The following SEMA3B variants were observed in gnomAD, a reference collection of about 807,000 sequenced individuals.
SEMA3B encodes the protein semaphorin 3B, also known as semaphorin-3B.
SEMA3B carries 71 observed loss-of-function variants against 77.8 expected under a neutral mutation model. That is an observed-to-expected ratio of 0.91 (90% CI 0.75 to 1.11). SEMA3B has a LOEUF of 1.11. SEMA3B is among the 50% of genes most tolerant of loss of function. The probability of loss-of-function intolerance (pLI) is 0.00; values close to 1 mark genes in which losing one functional copy is unlikely to be tolerated. For missense variants in SEMA3B, 968 were observed against 1,056.8 expected (o/e 0.92, Z 1.17); for synonymous variants, 470 against 452.9 (o/e 1.04, Z -0.48).
At chr3:50,271,518 C>T in intron 6 of SEMA3B, 38 bp downstream of exon 6, 1 of 1,551,432 alleles carries the variant, frequency 6.4e-7, no homozygotes, top group Non-Finnish European at 8.7e-7. Flanking sequence ...GAGGTCGTCA[C>T]CCTCCCACAG....
In SEMA3B at chr3:50,274,957, C is replaced by T; in HGVS notation, c.1449+23C>T. 6.2e-7 allele frequency: 1 copy of T among 1,601,514 alleles called. No homozygotes were observed. The highest frequency in any genetic ancestry group is 8.5e-7 in the Non-Finnish European group (1 of 1,175,364). On this transcript the variant is annotated intron_variant, in intron 12 of 16. Transcript: ENST00000616701. The surrounding 1 kb of genome is among the most constrained non-coding windows in gnomAD (Gnocchi z 4.7). ...GAGGTGAGGCCTCACCCCCAGTCGC[C>T]CGGGACCCCCCCACCCCACTAAGCC...
Position 50,274,227 on chromosome 3 carries a change from C to CTGA in SEMA3B, c.1138-134_1138-132dup. On this transcript the variant is annotated intron_variant, in intron 10 of 16. Coordinates refer to ENST00000616701, the MANE Select transcript of SEMA3B (RefSeq NM_001290060.2). The surrounding 1 kb of genome is among the most constrained non-coding windows in gnomAD (Gnocchi z 4.7). The stretch of plus-strand genomic sequence containing the variant: ...CCGCCTCTGACTTCCTAGGGCAAGG[C>CTGA]TGATCTCCTCTCTAATTCTCAGGGC... 1 of 1,249,758 alleles carries CTGA rather than the reference C, an allele frequency of 8.0e-7. No individual in the cohort carries two copies. The highest frequency in any genetic ancestry group is 1.1e-6 in the Non-Finnish European group (1 of 901,016). The allele number at this position is 1,249,758 out of a possible 1,614,324, so 77.4% of individuals were successfully genotyped here.
Position 50,273,895 on chromosome 3 carries a change from C to G in SEMA3B, c.993-18C>G. On this transcript the variant is annotated intron_variant, in intron 9 of 16. Transcript: ENST00000616701. The surrounding 1 kb of genome is among the most constrained non-coding windows in gnomAD (Gnocchi z 6.5). ...GGCTCCACCCGGCCCCTCACCTCGC[C>G]CTGGTCTTCGCCTCCAGCAGCATCT... 1 of 1,590,884 alleles carries G rather than the reference C, an allele frequency of 6.3e-7. No individual in the cohort carries two copies. The highest frequency in any genetic ancestry group is 1.3e-5 in the African/African-American group (1 of 74,406).
At position 50,274,546 on chromosome 3, in the gene SEMA3B, G is replaced by A; in HGVS notation, c.1321G>A (p.Ala441Thr). 1.3e-6 allele frequency: 2 copies of A among 1,558,794 alleles called. No individual in the cohort carries two copies. Among genetic ancestry groups the A allele is most frequent in the South Asian group, 1.2e-5 (1 of 81,336 alleles). Reference protein sequence around the residue: ...TQIAADRVAAADGHYDVLFIG... With the variant: ...TQIAADRVAATDGHYDVLFIG... Reference sequence around the variant, plus strand: ...AATTGCCGCGGACCGGGTTGCAGCCGCTGACGGACACTATGACGTCCTCTT... The same window carrying A: ...AATTGCCGCGGACCGGGTTGCAGCCACTGACGGACACTATGACGTCCTCTT... Residue 441 changes from alanine (A) to threonine (T), a missense_variant, in exon 11 of 17, where the codon GCT becomes ACT. Ala to Thr is a moderately conservative substitution (Grantham distance 58). Coordinates refer to ENST00000616701, the MANE Select transcript of SEMA3B (RefSeq NM_001290060.2). This position sits in a 1 kb window ranked among gnomAD's most constrained non-coding sequence, Gnocchi z 4.7.
In SEMA3B at chr3:50,276,724, C is replaced by A; in HGVS notation, c.*18C>A. On this transcript the variant is annotated 3_prime_UTR_variant, in exon 17 of 17. Coordinates refer to ENST00000616701, the MANE Select transcript of SEMA3B (RefSeq NM_001290060.2). This position sits in a 1 kb window ranked among gnomAD's most constrained non-coding sequence, Gnocchi z 5.8. The stretch of plus-strand genomic sequence containing the variant: ...ACTGGTGACCAGACTGTCCCCACGC[C>A]GGGAACCAAGCAGGAGACGACAGGC... The A allele has an allele frequency of 6.8e-7, 1 of 1,475,052 alleles. No individual in the cohort carries two copies. Among genetic ancestry groups the A allele is most frequent in the South Asian group, 1.4e-5 (1 of 72,092 alleles). 91.4% of individuals were successfully genotyped at this position (1,475,052 alleles called of 1,614,324 possible). A position where few individuals can be genotyped will look rare whatever the true frequency, so the allele number is the denominator to read the frequency against.
Position 50,274,202 on chromosome 3 carries a change from C to A in SEMA3B, c.1137+145C>A. On this transcript the variant is annotated intron_variant, in intron 10 of 16. Transcript: ENST00000616701. This position sits in a 1 kb window ranked among gnomAD's most constrained non-coding sequence, Gnocchi z 4.7. Reference sequence around the variant, plus strand: ...TCCATCATAAGACAAGGCTTGTTTCCCGCCTCTGACTTCCTAGGGCAAGGC... The same window carrying A: ...TCCATCATAAGACAAGGCTTGTTTCACGCCTCTGACTTCCTAGGGCAAGGC... The A allele has an allele frequency of 7.3e-7, 1 of 1,363,732 alleles. No individual in the cohort carries two copies. The highest frequency in any genetic ancestry group is 1.4e-5 in the South Asian group (1 of 72,652). 84.5% of individuals were successfully genotyped at this position (1,363,732 alleles called of 1,614,324 possible).
At position 50,274,408 on chromosome 3, in the gene SEMA3B, C is replaced by T; in HGVS notation, c.1183C>T (p.Pro395Ser). ...FGTFSSTKDF[P>S]DDVIQFARNH... ...CACCTTCAGTTCCACCAAGGACTTC[C>T]CAGACGATGTCATCCAGTTTGCGCG... The change falls in exon 11 of 17, where the codon CCA (proline) becomes TCA (serine). Residue 395 changes from proline to serine, a missense_variant. Transcript: ENST00000616701. This position sits in a 1 kb window ranked among gnomAD's most constrained non-coding sequence, Gnocchi z 4.7. 1 of 1,508,000 alleles carries T rather than the reference C, an allele frequency of 6.6e-7. No homozygotes were observed. The highest frequency in any genetic ancestry group is 2.4e-5 in the East Asian group (1 of 41,982). 93.4% of individuals were successfully genotyped at this position (1,508,000 alleles called of 1,614,324 possible).
At position 50,274,826 on chromosome 3, in the gene SEMA3B, C is replaced by G. The variant is rs782716455; in HGVS notation, c.1358-17C>G. ...TCCGGGAGCACCAATGGTCATTACC[C>G]CTTCTCATCCCTGCAGACGTTGGCA... On this transcript the variant is annotated splice_polypyrimidine_tract_variant and intron_variant, in intron 11 of 16. Transcript: ENST00000616701. This position sits in a 1 kb window ranked among gnomAD's most constrained non-coding sequence, Gnocchi z 4.7. 1.9e-6 allele frequency: 3 copies of G among 1,608,956 alleles called. No homozygotes were observed. Among genetic ancestry groups the G allele is most frequent in the Non-Finnish European group, 2.5e-6 (3 of 1,178,874 alleles).
At chr3:50,260,406 C>G in the SEMA3B span, 2 of 152,256 alleles carry the variant, frequency 1.3e-5, no homozygotes, top group Non-Finnish European at 1.5e-5. Context: ...TAGCTTCGGC[C>G]GCCGGCACTG....
In SEMA3B at chr3:50,274,572, C is replaced by G. The variant is rs1701164748; in HGVS notation, c.1347C>G (p.Phe449Leu). Residue 449 changes from phenylalanine to leucine, a missense_variant, in exon 11 of 17, where the codon TTC becomes TTG. Phe to Leu is a conservative substitution (Grantham distance 22). Coordinates refer to ENST00000616701, the MANE Select transcript of SEMA3B (RefSeq NM_001290060.2). The surrounding 1 kb of genome is among the most constrained non-coding windows in gnomAD (Gnocchi z 4.7). ...AAADGHYDVL[F>L]IGTDVGTVLK... ...CTGACGGACACTATGACGTCCTCTT[C>G]ATTGGCACAGGTCAGGGTCCCTCCA... The G allele has an allele frequency of 2.0e-6, 3 of 1,537,916 alleles. No homozygotes were observed. The highest frequency in any genetic ancestry group is 2.6e-6 in the Non-Finnish European group (3 of 1,142,908).
chr3:50,271,556 T>C, intron 6 of SEMA3B, 76 bp downstream of exon 6: 1 of 1,540,208 alleles, frequency 6.5e-7, no homozygotes, highest in Non-Finnish European at 8.8e-7. Context: ...GCCCATAAAG[T>C]AAGTGAGCAG....
rs1434713123 is a variant in SEMA3B, at chr3:50,271,432, C to T, written c.616C>T (p.Gln206Ter). Reference protein sequence around the residue: ...RDFTIFRSLGQRPSLRTEPHD... With the variant: ...RDFTIFRSLG ...CTTTACCATCTTTCGCAGCCTAGGG[C>T]AACGTCCAAGTCTCCGAACAGAGCC... The change falls in exon 6 of 17, where the codon CAA (glutamine) becomes TAA (stop). Residue 206 changes from glutamine (Q) to a stop codon, truncating the protein, a stop_gained. Coordinates refer to ENST00000616701, the MANE Select transcript of SEMA3B (RefSeq NM_001290060.2). LOFTEE classifies it high-confidence loss of function. The T allele has an allele frequency of 1.2e-5, 19 of 1,586,066 alleles. No homozygotes were observed. Among genetic ancestry groups the T allele is most frequent in the Non-Finnish European group, 1.6e-5 (19 of 1,166,352 alleles).
Position 50,274,931 on chromosome 3 carries a change from T to C in SEMA3B, c.1446T>C (p.Phe482=). The C allele has an allele frequency of 5.6e-6, 9 of 1,608,820 alleles. No homozygotes were observed. The highest frequency in any genetic ancestry group is 5.9e-6 in the Non-Finnish European group (7 of 1,179,026). Residue 482 remains phenylalanine, a synonymous_variant, in exon 12 of 17, where the codon TTT becomes TTC. Transcript: ENST00000616701. The surrounding 1 kb of genome is among the most constrained non-coding windows in gnomAD (Gnocchi z 4.7). ...EGLLLEELHV[F]EDSAAVTSMQ... ...TGCTCCTGGAGGAGCTGCACGTGTT[T>C]GAGGTGAGGCCTCACCCCCAGTCGC... is the stretch of plus-strand genomic sequence containing the variant.
chr3:50,272,710 CAAAAAAAA>C (rs34975459), intron 6 of SEMA3B, among the ~76,000 whole-genome samples: 39 of 71,848 alleles, frequency 5.4e-4, no homozygotes, highest in Middle Eastern at 0.016. Context: ...GACTTCGTCT[CAAAAAAAA>C]AAAAAAAAGC....
At position 50,275,697 on chromosome 3, in the gene SEMA3B, G is replaced by GC. The variant is rs1238281052; in HGVS notation, c.1706-4dup. On this transcript the variant is annotated splice_region_variant and splice_polypyrimidine_tract_variant and intron_variant, in intron 15 of 16. Coordinates refer to ENST00000616701, the MANE Select transcript of SEMA3B (RefSeq NM_001290060.2). The surrounding 1 kb of genome is among the most constrained non-coding windows in gnomAD (Gnocchi z 7.5). ...CTTGCCTAAATCTGACTTTCTTCTC[G>GC]CCCCAAGACTCGTCTCGTCCCGCGC... 1.2e-6 allele frequency: 2 copies of GC among 1,611,552 alleles called. No individual in the cohort carries two copies. Among genetic ancestry groups the GC allele is most frequent in the African/African-American group, 2.7e-5 (2 of 74,828 alleles).
upstream of SEMA3B, chr3:50,269,117 C>G (rs1411532128): frequency 1.4e-5 from 10 of 706,750 alleles, no homozygotes; most frequent in South Asian, 1.1e-4. This position sits in a 1 kb window ranked among gnomAD's most constrained non-coding sequence, Gnocchi z 4.0. Context: ...GGGACTCCCC[C>G]CCTAGCCTCC....
At chr3:50,266,848 G>A (rs771527611), upstream of SEMA3B, 7 of 152,180 alleles carry the variant, frequency 4.6e-5, no homozygotes, top group South Asian at 4.1e-4. Flanking sequence ...CTCAGTTTTC[G>A]GCTCTGGGTT....
chr3:50,275,418 G>C lies in SEMA3B; in HGVS notation c.1608G>C (p.Trp536Cys). Residue 536 changes from tryptophan to cysteine, a missense_variant, in exon 14 of 17, where the codon TGG (tryptophan) becomes TGC (cysteine). By Grantham distance (215) the Trp-to-Cys change is radical. Coordinates refer to ENST00000616701, the MANE Select transcript of SEMA3B (RefSeq NM_001290060.2). The surrounding 1 kb of genome is among the most constrained non-coding windows in gnomAD (Gnocchi z 7.5). ...CCLARDPYCA[W>C]DGVACTRFQP... ...TGGCGCGTGACCCCTACTGCGCCTG[G>C]GACGGGGTCGCGTGCACGCGCTTCC... The C allele has an allele frequency of 6.2e-7, 1 of 1,602,318 alleles. No individual in the cohort carries two copies. Among genetic ancestry groups the C allele is most frequent in the Non-Finnish European group, 8.5e-7 (1 of 1,174,490 alleles).
Position 50,275,659 on chromosome 3 carries a change from C to G in SEMA3B, c.1705+44C>G. On this transcript the variant is annotated intron_variant, in intron 15 of 16. Coordinates refer to ENST00000616701, the MANE Select transcript of SEMA3B (RefSeq NM_001290060.2). This position sits in a 1 kb window ranked among gnomAD's most constrained non-coding sequence, Gnocchi z 7.5. ...CCTACCCTCAGCCCCAGAAGACGCCCCACCTGCCCTGCCTTGCCTAAATCT... is the reference window on the plus strand; with the variant it reads ...CCTACCCTCAGCCCCAGAAGACGCCGCACCTGCCCTGCCTTGCCTAAATCT... The G allele has an allele frequency of 6.2e-7, 1 of 1,613,446 alleles. No homozygotes were observed.
Sources: allele counts gnomAD v4.1 joint callset (sites outside exome capture counted in the v4.1 genomes callset), GRCh38; gene constraint gnomAD v4.1.1; non-coding constraint Gnocchi (gnomAD v3.1); transcripts MANE v1.5; gene names NCBI Gene and HGNC (gene_info 2026-07-23, HGNC 2026-07-21).